The following ESCO2 variants were observed in gnomAD, a reference collection of about 807,000 sequenced individuals.
ESCO2 encodes the protein N-acetyltransferase ESCO2.
ESCO2 carries 51 observed loss-of-function variants against 61.7 expected under a neutral mutation model. That is an observed-to-expected ratio of 0.83 (90% CI 0.66 to 1.04). The LOEUF is 1.04. Among genes scored for constraint, ESCO2 ranks in the 50% least tolerant of loss-of-function variants. The pLI is 0.00. For missense variants in ESCO2, 692 were observed against 686.2 expected (o/e 1.01, Z -0.09); for synonymous variants, 230 against 238.2 (o/e 0.97, Z 0.32).
chr8:27,812,815 AAAC>A (rs1174265109), downstream of ESCO2, among the ~76,000 whole-genome samples: 7 of 152,168 alleles, frequency 4.6e-5, no homozygotes, highest in East Asian at 1.9e-4. Flanking sequence ...AAAAGTCAGG[AAAC>A]AACAGATGCT....
intron 4 of ESCO2, among the ~76,000 whole-genome samples, chr8:27,783,177 T>C (rs1035682799): frequency 3.9e-5 from 6 of 152,192 alleles, no homozygotes; most frequent in Admixed American, 3.9e-4. Context: ...CAACAATTAA[T>C]CTGCTTTTTA....
rs1415063975 is a variant in ESCO2 at position 27,803,566 on chromosome 8, A to ACACG, written c.*129_*130insACGC. On this transcript the variant is annotated 3_prime_UTR_variant, in exon 11 of 11. Transcript: ENST00000305188. Reference sequence around the variant, plus strand: ...CACACTCATACACACACACACACACACGCACACACACATATCACAGTTTTG... The same window carrying ACACG: ...CACACTCATACACACACACACACACACACGCGCACACACACATATCACAGTTTTG... The ACACG allele has an allele frequency of 1.2e-5, 17 of 1,451,898 alleles. No homozygotes were observed. The highest frequency in any genetic ancestry group is 7.7e-5 in the East Asian group (3 of 39,010). The allele number at this position is 1,451,898 out of a possible 1,614,324, so 89.9% of individuals were successfully genotyped here.
intron 9 of ESCO2, among the ~76,000 whole-genome samples, chr8:27,798,874 G>A (rs1388348696): frequency 6.6e-6 from 1 of 152,178 alleles, no homozygotes; most frequent in Non-Finnish European, 1.5e-5. Context: ...GGGAGAGGGG[G>A]TAGTGTGGAT....
chr8:27,810,984 T>C (rs1231498686), downstream of ESCO2: 3 of 1,607,544 alleles, frequency 1.9e-6, no homozygotes, highest in Non-Finnish European at 1.7e-6. Flanking sequence ...ATTTGAAAGA[T>C]TAATGTGTGG....
At chr8:27,808,144 T>C (rs779925021), downstream of ESCO2, 189 of 775,082 alleles carry the variant, frequency 2.4e-4, 2 homozygotes, top group Middle Eastern at 8.3e-3. Flanking sequence ...TTTTTATATG[T>C]AGCATTTGTC....
chr8:27,799,806 G>A (rs1805385345), intron 10 of ESCO2, 90 bp downstream of exon 10: 2 of 1,416,776 alleles, frequency 1.4e-6, no homozygotes, highest in Non-Finnish European at 2.0e-6. Flanking sequence ...AAGGATATTG[G>A]TAAGATACTT....
chr8:27,819,459 T>C, the ESCO2 span, among the ~76,000 whole-genome samples: 1 of 152,152 alleles, frequency 6.6e-6, no homozygotes, highest in Non-Finnish European at 1.5e-5. Flanking sequence ...TTTCTCTTTT[T>C]AGCCAAAAAT....
At chr8:27,810,333 A>G, downstream of ESCO2, 2 of 1,612,760 alleles carry the variant, frequency 1.2e-6, no homozygotes, top group African/African-American at 1.3e-5. Flanking sequence ...AGCTTCAACA[A>G]TGTGTGCAGC....
intron 4 of ESCO2, 28 bp from the exon 5 acceptor site, chr8:27,783,972 C>T (rs750010735): frequency 6.4e-6 from 10 of 1,573,786 alleles, no homozygotes; most frequent in East Asian, 2.2e-5. Flanking sequence ...TTTGGTAATA[C>T]ACATTATCAT....
At position 27,777,064 on chromosome 8, in the gene ESCO2, A is replaced by G. The variant is rs1563469163; in HGVS notation, c.756A>G (p.Lys252=). ...CTGATGTAGAGACTGTCAGTGAAAA[A>G]AAAACTTTTGCGACAAGGCAAGTGC... is the stretch of plus-strand genomic sequence containing the variant. ...EDSDVETVSE[K]KTFATRQVPK... is the part of the protein sequence containing the mutation. Residue 252 remains lysine (K), a synonymous_variant, in exon 3 of 11, where the codon AAA becomes AAG. Transcript: ENST00000305188. The G allele has an allele frequency of 1.2e-6, 2 of 1,606,694 alleles. No homozygotes were observed. The highest frequency in any genetic ancestry group is 1.7e-6 in the Non-Finnish European group (2 of 1,178,364).
downstream of ESCO2, among the ~76,000 whole-genome samples, chr8:27,816,917 C>G (rs1017450533): frequency 2.0e-5 from 3 of 151,976 alleles, no homozygotes; most frequent in Non-Finnish European, 1.5e-5. Flanking sequence ...GGTGGACATT[C>G]TCACACATTG....
downstream of ESCO2, chr8:27,808,480 C>T (rs1805606763): frequency 6.5e-6 from 1 of 154,700 alleles, no homozygotes; most frequent in Non-Finnish European, 1.4e-5. Flanking sequence ...TCCAGAGCAG[C>T]CTGAGCAACT....
intron 1 of ESCO2, among the ~76,000 whole-genome samples, chr8:27,775,241 T>C (rs1017550755): frequency 6.6e-6 from 1 of 152,078 alleles, no homozygotes; most frequent in East Asian, 1.9e-4. Flanking sequence ...TTACAGACGG[T>C]CTCTGCCTTC....
At chr8:27,775,179 A>C (rs1233012540) in intron 1 of ESCO2, among the ~76,000 whole-genome samples, 1 of 152,188 alleles carries the variant, frequency 6.6e-6, no homozygotes, top group African/African-American at 2.4e-5. Flanking sequence ...CAGCTAGGAA[A>C]ATGGCAGAGG....
intron 7 of ESCO2, among the ~76,000 whole-genome samples, chr8:27,791,649 G>A (rs1258562384): frequency 6.6e-6 from 1 of 152,098 alleles, no homozygotes; most frequent in Non-Finnish European, 1.5e-5. Flanking sequence ...TTGAACTCCT[G>A]ACCTCAAGTG....
At chr8:27,794,974 C>T (rs1019748893) in intron 9 of ESCO2, among the ~76,000 whole-genome samples, 21 of 152,180 alleles carry the variant, frequency 1.4e-4, no homozygotes, top group Admixed American at 5.2e-4. Flanking sequence ...CTCAGCTTTA[C>T]TCTTTGGTCT....
chr8:27,810,369 T>A (rs916926835), downstream of ESCO2: 1 of 1,611,502 alleles, frequency 6.2e-7, no homozygotes, highest in Non-Finnish European at 8.5e-7. Flanking sequence ...AGGGTCTTCA[T>A]TAGTGCATAC....
chr8:27,798,137 C>T (rs1234227076), intron 9 of ESCO2, among the ~76,000 whole-genome samples: 6 of 152,144 alleles, frequency 3.9e-5, no homozygotes. Flanking sequence ...ATTACAGCCA[C>T]TCTGGAAAAA....
upstream of ESCO2, among the ~76,000 whole-genome samples, chr8:27,773,266 T>C (rs1047334322): frequency 6.6e-6 from 1 of 152,174 alleles, no homozygotes; most frequent in Non-Finnish European, 1.5e-5. Context: ...AACCTAACAC[T>C]GCCACACAAG....
Sources: allele counts gnomAD v4.1 joint callset (sites outside exome capture counted in the v4.1 genomes callset), GRCh38; gene constraint gnomAD v4.1.1; transcripts MANE v1.5; gene names NCBI Gene and HGNC (gene_info 2026-07-23, HGNC 2026-07-21).